RBMS3: variants seen among roughly 807,000 people sequenced by gnomAD.
RBMS3 encodes RNA binding motif single stranded interacting protein 3.
RBMS3 carries 27 observed loss-of-function variants against 66.8 expected under a neutral mutation model. The observed-to-expected ratio is 0.40, with a 90% CI of 0.30 to 0.56. RBMS3 has a LOEUF of 0.56. Among genes scored for constraint, RBMS3 ranks in the 20% least tolerant of loss-of-function variants. The probability of loss-of-function intolerance (pLI) is 0.40; values close to 1 mark genes in which losing one functional copy is unlikely to be tolerated. For missense variants in RBMS3, 513 were observed against 549.5 expected, an observed-to-expected ratio of 0.93 and a Z score of 0.66; for synonymous variants, 188 against 183.0, an observed-to-expected ratio of 1.03 and a Z score of -0.22.
intron 4 of RBMS3, among the ~76,000 whole-genome samples, chr3:29,703,466 A>G (rs1459547923): frequency 1.3e-5 from 2 of 152,236 alleles, no homozygotes; most frequent in African/African-American, 4.8e-5. Context: ...ACATCTGAAT[A>G]TCAGATGGGA....
intron 12 of RBMS3, among the ~76,000 whole-genome samples, chr3:29,977,325 A>G (rs1485321461): frequency 6.6e-6 from 1 of 152,160 alleles, no homozygotes; most frequent in African/African-American, 2.4e-5. Context: ...TAATTAAAAT[A>G]AAAAGTTTCC....
chr3:29,754,397 T>C, intron 5 of RBMS3, among the ~76,000 whole-genome samples: 1 of 152,104 alleles, frequency 6.6e-6, no homozygotes, highest in East Asian at 1.9e-4. Flanking sequence ...TTTCCAACCA[T>C]GTTGTGGCAG....
At chr3:29,760,367 C>G (rs2055624530) in intron 5 of RBMS3, among the ~76,000 whole-genome samples, 1 of 152,030 alleles carries the variant, frequency 6.6e-6, no homozygotes, top group Admixed American at 6.6e-5. Flanking sequence ...ATTTGTAGGA[C>G]TCTTGCAAGC....
chr3:29,930,109 C>CTTTCTTTTTTTTTTTTTTTTTTTTT (rs71091082), intron 10 of RBMS3, among the ~76,000 whole-genome samples: 1 of 43,570 alleles, frequency 2.3e-5, no homozygotes, highest in Non-Finnish European at 5.2e-5. Context: ...TTCTTTCTTT[C>CTTTCTTTTTTTTTTTTTTTTTTTTT]TTTTTTTTTT....
At chr3:29,813,935 A>G (rs1308335379) in intron 6 of RBMS3, among the ~76,000 whole-genome samples, 4 of 152,110 alleles carry the variant, frequency 2.6e-5, no homozygotes, top group Admixed American at 2.6e-4. Context: ...AACAGGGACA[A>G]TTTGACTTCC....
intron 5 of RBMS3, among the ~76,000 whole-genome samples, chr3:29,746,577 T>C (rs1253386749): frequency 6.6e-6 from 1 of 152,206 alleles, no homozygotes. Flanking sequence ...TTTGTTCTTC[T>C]TTTGTGTGTC....
intron 6 of RBMS3, among the ~76,000 whole-genome samples, chr3:29,839,497 A>T (rs2058610934): frequency 6.6e-6 from 1 of 152,078 alleles, no homozygotes; most frequent in Non-Finnish European, 1.5e-5. Flanking sequence ...AAGAAGTTTC[A>T]TAGAGGTGGA....
chr3:29,930,109 C>CTTTCTTTCTTTCTTTTTTTTTTTTT, intron 10 of RBMS3, among the ~76,000 whole-genome samples: 1 of 43,556 alleles, frequency 2.3e-5, no homozygotes, highest in Non-Finnish European at 5.2e-5. Flanking sequence ...TTCTTTCTTT[C>CTTTCTTTCTTTCTTTTTTTTTTTTT]TTTTTTTTTT....
chr3:29,896,904 T>A (rs1230206270), intron 8 of RBMS3, among the ~76,000 whole-genome samples: 1 of 151,644 alleles, frequency 6.6e-6, no homozygotes, highest in East Asian at 1.9e-4. Context: ...TCTCTTTTCA[T>A]GGAGAAAGTA....
At chr3:29,585,325 T>A (rs939144158) in intron 3 of RBMS3, among the ~76,000 whole-genome samples, 1 of 152,126 alleles carries the variant, frequency 6.6e-6, no homozygotes, top group African/African-American at 2.4e-5. Context: ...TTCCATGCCA[T>A]TTAAGGAATT....
intron 4 of RBMS3, among the ~76,000 whole-genome samples, chr3:29,595,411 A>AAG (rs1011767834): frequency 1.3e-5 from 2 of 151,466 alleles, no homozygotes; most frequent in African/African-American, 2.4e-5. Context: ...AAAAAAAAAA[A>AAG]AAAAGAAAAG....
chr3:29,741,025 A>G (rs2054617505), intron 5 of RBMS3, among the ~76,000 whole-genome samples: 1 of 150,320 alleles, frequency 6.7e-6, no homozygotes, highest in Non-Finnish European at 1.5e-5. Context: ...TGGGCAACAC[A>G]GCGAGACTCC....
chr3:29,862,917 T>C (rs897641850), intron 6 of RBMS3, among the ~76,000 whole-genome samples: 1 of 149,308 alleles, frequency 6.7e-6, no homozygotes, highest in African/African-American at 2.5e-5. Flanking sequence ...GATGGAAGGA[T>C]ACTAATAAAG....
At chr3:29,666,760 T>C (rs1481980740) in intron 4 of RBMS3, among the ~76,000 whole-genome samples, 1 of 152,178 alleles carries the variant, frequency 6.6e-6, no homozygotes, top group African/African-American at 2.4e-5. Context: ...GCCAAAAATA[T>C]TTAATTTTTA....
intron 6 of RBMS3, among the ~76,000 whole-genome samples, chr3:29,852,451 TAAAC>T (rs1408064978): frequency 6.6e-6 from 1 of 152,086 alleles, no homozygotes; most frequent in African/African-American, 2.4e-5. Flanking sequence ...TTAAGAAACT[TAAAC>T]AAATTTACAA....
At chr3:29,971,667 A>T (rs75619339) in intron 12 of RBMS3, among the ~76,000 whole-genome samples, 16,048 of 152,080 alleles carry the variant, frequency 0.11, 1,564 homozygotes, top group African/African-American at 0.23. Flanking sequence ...CTCAACAAAT[A>T]TATATTAACT....
At chr3:29,697,769 G>A (rs1485979429) in intron 4 of RBMS3, among the ~76,000 whole-genome samples, 1 of 152,152 alleles carries the variant, frequency 6.6e-6, no homozygotes, top group African/African-American at 2.4e-5. Flanking sequence ...ATGAAACAAA[G>A]TTGCGACTGT....
At chr3:29,789,795 A>G (rs1258142701) in intron 6 of RBMS3, among the ~76,000 whole-genome samples, 1 of 152,114 alleles carries the variant, frequency 6.6e-6, no homozygotes, top group Non-Finnish European at 1.5e-5. Context: ...TGCATCCTTA[A>G]TTCGAAGTGA....
At chr3:29,412,820 T>A (rs2040320556) in intron 1 of RBMS3, among the ~76,000 whole-genome samples, 1 of 152,176 alleles carries the variant, frequency 6.6e-6, no homozygotes, top group African/African-American at 2.4e-5. Flanking sequence ...GAGATAAATC[T>A]GTCTATGATA....
Sources: allele counts gnomAD v4.1 joint callset (sites outside exome capture counted in the v4.1 genomes callset), GRCh38; gene constraint gnomAD v4.1.1; transcripts MANE v1.5; gene names NCBI Gene and HGNC (gene_info 2026-07-23, HGNC 2026-07-21).